The following E2F7 variants were observed in gnomAD, a reference collection of about 807,000 sequenced individuals.
E2F7 encodes E2F transcription factor 7.
E2F7 carries 35 observed loss-of-function variants against 81.1 expected under a neutral mutation model. That is an observed-to-expected ratio of 0.43 (90% CI 0.33 to 0.57). E2F7 has a LOEUF of 0.57. E2F7 is among the 20% of genes least tolerant of loss of function. E2F7 has a pLI of 0.04. For synonymous variants in E2F7, 416 were observed against 416.2 expected (o/e 1.00, Z 0.01); for missense variants, 961 against 1,093.7 (o/e 0.88, Z 1.71).
chr12:77,027,775 G>T, intron 11 of E2F7, 108 bp downstream of exon 11: 1 of 1,443,898 alleles, frequency 6.9e-7, no homozygotes. Flanking sequence ...AAATGACTCA[G>T]GCACATCAAT....
intron 12 of E2F7, among the ~76,000 whole-genome samples, chr12:77,025,027 C>T (rs566795245): frequency 1.1e-3 from 158 of 146,240 alleles, no homozygotes; most frequent in African/African-American, 4.1e-3. Flanking sequence ...ATGTTTTCTG[C>T]GTATGTATAG....
Position 77,052,834 on chromosome 12 carries a change from C to A in E2F7, c.370-2090G>T, listed in dbSNP as rs115006551. 5.0e-3 allele frequency among the ~76,000 whole-genome samples: 759 copies of A among 151,740 alleles called. 8 individuals carry two copies. Among genetic ancestry groups the A allele is most frequent in the African/African-American group, 0.017 (713 of 41,402 alleles). On this transcript the variant is annotated intron_variant, in intron 3 of 12. Coordinates refer to ENST00000322886, the MANE Select transcript of E2F7 (RefSeq NM_203394.3). Reference sequence around the variant, plus strand: ...ACAAATCAACATGACAAAAAAAAACCAATTAAAATTGGCAAAGAACACAAA... The same window carrying A: ...ACAAATCAACATGACAAAAAAAAACAAATTAAAATTGGCAAAGAACACAAA...
In E2F7 at chr12:77,023,727, T is replaced by TA; in HGVS notation, c.*287dup. ...CCCCTTTAGAAAAACAAGGCTCCGGTAGCCTATTCAGATCTACTTCCAGAA... is the reference window on the plus strand; with the variant it reads ...CCCCTTTAGAAAAACAAGGCTCCGGTAAGCCTATTCAGATCTACTTCCAGAA... On this transcript the variant is annotated 3_prime_UTR_variant, in exon 13 of 13. Transcript: ENST00000322886. 3.8e-6 allele frequency: 1 copy of TA among 263,954 alleles called. No homozygotes were observed. Among genetic ancestry groups the TA allele is most frequent in the African/African-American group, 2.7e-5 (1 of 36,764 alleles). 16.4% of individuals were successfully genotyped at this position (263,954 alleles called of 1,614,324 possible).
chr12:77,038,072 A>G (rs926664149), intron 7 of E2F7, among the ~76,000 whole-genome samples: 7 of 152,174 alleles, frequency 4.6e-5, no homozygotes, highest in African/African-American at 1.7e-4. Context: ...TTATAATGAT[A>G]AAAGGGTCAG....
chr12:77,061,106 G>C (rs694257), intron 2 of E2F7, among the ~76,000 whole-genome samples: 127,610 of 152,050 alleles, frequency 0.84, 54,363 homozygotes, highest in East Asian at 1. Context: ...CCGCAAGAGT[G>C]CACACACAAC....
At chr12:77,045,355 A>G (rs146765668) in intron 5 of E2F7, among the ~76,000 whole-genome samples, 86 of 152,348 alleles carry the variant, frequency 5.6e-4, no homozygotes, top group African/African-American at 1.8e-3. Flanking sequence ...ACCATCCCCA[A>G]CAGATGGCTG....
chr12:77,051,613 G>A (rs1954989465), intron 3 of E2F7, among the ~76,000 whole-genome samples: 2 of 152,052 alleles, frequency 1.3e-5, no homozygotes, highest in African/African-American at 4.8e-5. Context: ...CTGTGCACAT[G>A]TACCCTAGAA....
At chr12:77,042,833 A>T (rs1954904434) in intron 7 of E2F7, among the ~76,000 whole-genome samples, 1 of 152,228 alleles carries the variant, frequency 6.6e-6, no homozygotes, top group Non-Finnish European at 1.5e-5. Context: ...ATTAGTAGTT[A>T]CAGAAACTCC....
At chr12:77,026,097 TGA>T in intron 11 of E2F7, 115 bp from the exon 12 acceptor site, 1 of 1,255,114 alleles carries the variant, frequency 8.0e-7, no homozygotes, top group South Asian at 1.6e-5. Context: ...CAATGAATGA[TGA>T]GACCTTCCCC....
At chr12:77,034,415 T>A (rs570833680) in intron 7 of E2F7, among the ~76,000 whole-genome samples, 1 of 152,206 alleles carries the variant, frequency 6.6e-6, no homozygotes, top group African/African-American at 2.4e-5. Context: ...CCAACATGCA[T>A]ATTTTGAGAT....
chr12:77,048,380 A>G (rs1172006467), intron 4 of E2F7, among the ~76,000 whole-genome samples: 1 of 152,178 alleles, frequency 6.6e-6, no homozygotes, highest in Non-Finnish European at 1.5e-5. Flanking sequence ...AATTTTTGCT[A>G]TGCTTCCCTT....
In E2F7 at chr12:77,023,804, C is replaced by A. The variant is rs887501905; in HGVS notation, c.*211G>T. On this transcript the variant is annotated 3_prime_UTR_variant, in exon 13 of 13. Coordinates refer to ENST00000322886, the MANE Select transcript of E2F7 (RefSeq NM_203394.3). ...AAGTCAGTCGGCGCTTTCACTGTGACACCATGCAGAGTCGGAACTCTAACT... is the reference window on the plus strand; with the variant it reads ...AAGTCAGTCGGCGCTTTCACTGTGAAACCATGCAGAGTCGGAACTCTAACT... The A allele has an allele frequency of 1.8e-6, 1 of 564,268 alleles. No homozygotes were observed. Among genetic ancestry groups the A allele is most frequent in the Non-Finnish European group, 3.0e-6 (1 of 334,096 alleles). The allele number at this position is 564,268 out of a possible 1,614,324, so 35.0% of individuals were successfully genotyped here. A position where few individuals can be genotyped will look rare whatever the true frequency, so the allele number is the denominator to read the frequency against.
chr12:77,048,637 G>T (rs1954962306), intron 4 of E2F7, among the ~76,000 whole-genome samples: 1 of 152,200 alleles, frequency 6.6e-6, no homozygotes, highest in African/African-American at 2.4e-5. Flanking sequence ...AGTCGTCAGT[G>T]AAACAGCTTC....
chr12:77,031,879 C>T lies in E2F7; in HGVS notation c.1382+1171G>A, dbSNP rs538993774. Among the ~76,000 whole-genome samples, 3 of 152,256 alleles carry T rather than the reference C, an allele frequency of 2.0e-5. No individual in the cohort carries two copies. In the East Asian group the frequency reaches 5.8e-4, roughly 29 times the overall value. Reference sequence around the variant, plus strand: ...CTCTGGTTGAGTAATGGGTATTGCTCAGCTCTGTGAAACTGAACATGCCCA... The same window carrying T: ...CTCTGGTTGAGTAATGGGTATTGCTTAGCTCTGTGAAACTGAACATGCCCA... On this transcript the variant is annotated intron_variant, in intron 9 of 12. Coordinates refer to ENST00000322886, the MANE Select transcript of E2F7 (RefSeq NM_203394.3).
intron 4 of E2F7, among the ~76,000 whole-genome samples, chr12:77,049,629 G>A (rs1954970383): frequency 6.6e-6 from 1 of 152,144 alleles, no homozygotes; most frequent in Non-Finnish European, 1.5e-5. Flanking sequence ...CCAGCCCATG[G>A]TCTTCTTATC....
Position 77,043,196 on chromosome 12 carries a change from T to C in E2F7, c.992A>G (p.Lys331Arg), listed in dbSNP as rs768933896. 1.3e-5 allele frequency: 21 copies of C among 1,613,894 alleles called. No individual in the cohort carries two copies. The highest frequency in any genetic ancestry group is 1.7e-5 in the Non-Finnish European group (20 of 1,179,976). Residue 331 changes from lysine (K) to arginine (R), a missense_variant, in exon 7 of 13, where the codon AAG becomes AGG. Coordinates refer to ENST00000322886, the MANE Select transcript of E2F7 (RefSeq NM_203394.3). ...DAPDHSKFKT[K>R]VRRLYDIANV... ...GGCTATGTCATAGAGGCGTCGTACC[T>C]TTGCTTGAAGATATAAAACACGATT...
At position 77,024,045 on chromosome 12, in the gene E2F7, T is replaced by G. The variant is rs766410971; in HGVS notation, c.2706A>C (p.Arg902Ser). ...CAGCGCCGCCGCTGGGGATTTCTAG[T>G]CTCCTCTGGGCCGAGCTGGTGTTTC... ...QSRNTSSAQR[R>S]LEIPSGGAD Residue 902 changes from arginine (R) to serine (S), a missense_variant, in exon 13 of 13, where the codon AGA becomes AGC. By Grantham distance (110) the Arg-to-Ser change is moderately radical. Transcript: ENST00000322886. 6.2e-7 allele frequency: 1 copy of G among 1,613,826 alleles called. No individual in the cohort carries two copies. Among genetic ancestry groups the G allele is most frequent in the Non-Finnish European group, 8.5e-7 (1 of 1,179,976 alleles).
At position 77,025,796 on chromosome 12, in the gene E2F7, G is replaced by C; in HGVS notation, c.2327C>G (p.Pro776Arg). The change falls in exon 12 of 13, where the codon CCA becomes CGA. Residue 776 changes from proline to arginine, a missense_variant. By Grantham distance (103) the Pro-to-Arg change is moderately radical. This residue lies in a region of E2F7 where 587 missense variants were observed against 620.3 expected (regional missense o/e 0.95). Coordinates refer to ENST00000322886, the MANE Select transcript of E2F7 (RefSeq NM_203394.3). Reference protein sequence around the residue: ...GPVSSTLGALPNTGPVNFSLP... With the variant: ...GPVSSTLGALRNTGPVNFSLP... ...GCTGAAATTCACAGGTCCTGTGTTTGGGAGAGCACCAAGAGTAGAAGAAAC... is the reference window on the plus strand; with the variant it reads ...GCTGAAATTCACAGGTCCTGTGTTTCGGAGAGCACCAAGAGTAGAAGAAAC... 1 of 1,614,078 alleles carries C rather than the reference G, an allele frequency of 6.2e-7. No individual in the cohort carries two copies. The highest frequency in any genetic ancestry group is 8.5e-7 in the Non-Finnish European group (1 of 1,180,028).
chr12:77,024,232 T>C (rs749885154), intron 12 of E2F7, 47 bp from the exon 13 acceptor site: 2 of 1,575,750 alleles, frequency 1.3e-6, no homozygotes, highest in Non-Finnish European at 8.6e-7. Flanking sequence ...ATATTGTTTC[T>C]GATCTCTGAG....
Sources: gnomAD v4.1 joint callset for allele counts (sites outside exome capture counted in the v4.1 genomes callset) on GRCh38, gnomAD v4.1.1 for gene constraint, gnomAD v4.1.1 regional missense constraint, MANE v1.5 for transcripts, NCBI Gene and HGNC (gene_info 2026-07-23, HGNC 2026-07-21) for gene names.